DTNA: variants seen among roughly 807,000 people sequenced by gnomAD.
DTNA encodes the protein dystrobrevin alpha, also known as dystrophin-related protein 3.
In DTNA, 43 loss-of-function variants were observed where a neutral mutation model predicts 100.7. The ratio of observed to expected loss-of-function variants is 0.43; its 90% CI spans 0.33 to 0.55. The LOEUF (loss-of-function observed/expected upper bound fraction) is 0.55, where lower values mean the gene tolerates loss of function less well. Among genes scored for constraint, DTNA ranks in the 20% least tolerant of loss-of-function variants. The pLI is 0.04. For synonymous variants in DTNA, 349 were observed against 347.9 expected (o/e 1.00, Z -0.04); for missense variants, 798 against 953.9 (o/e 0.84, Z 2.15).
intron 13 of DTNA, 85 bp from the exon 14 acceptor site, chr18:34,848,211 A>G: frequency 7.5e-7 from 1 of 1,325,456 alleles, no homozygotes; most frequent in Non-Finnish European, 1.1e-6. Flanking sequence ...AAAACATTGA[A>G]ATAGTAAAAA....
At chr18:34,602,995 T>TC (rs1271354743) in intron 1 of DTNA, among the ~76,000 whole-genome samples, 12 of 150,574 alleles carry the variant, frequency 8.0e-5, no homozygotes, top group Admixed American at 7.3e-4. Flanking sequence ...AGTGTGAGAC[T>TC]CCCTCTCAAA....
chr18:34,878,278 T>A (rs2096838661), intron 19 of DTNA, among the ~76,000 whole-genome samples: 1 of 152,208 alleles, frequency 6.6e-6, no homozygotes, highest in Admixed American at 6.5e-5. Context: ...TCAGATTTTT[T>A]AAGTAATGTT....
At chr18:34,796,412 C>T (rs570635816) in intron 4 of DTNA, among the ~76,000 whole-genome samples, 2 of 152,280 alleles carry the variant, frequency 1.3e-5, no homozygotes, top group Admixed American at 1.3e-4. Flanking sequence ...AAATGAGACC[C>T]AGCGTGGAAA....
In DTNA at chr18:34,658,551, G is replaced by A. The variant is rs1381541464; in HGVS notation, c.-1-97425G>A. ...TGTATTTTTGTAGAGATGGGGTTTT[G>A]TCATGTTGCCCAAGCTGGTCTCAAA... On this transcript the variant is annotated intron_variant, in intron 1 of 19. Transcript: ENST00000283365. Among the ~76,000 whole-genome samples the A allele has an allele frequency of 2.0e-5, 3 of 152,022 alleles. No homozygotes were observed. In the East Asian group the frequency reaches 5.8e-4, roughly 29 times the overall value.
intron 1 of DTNA, among the ~76,000 whole-genome samples, chr18:34,726,306 C>T (rs913138747): frequency 2.0e-5 from 3 of 151,964 alleles, no homozygotes; most frequent in African/African-American, 7.3e-5. Context: ...ATCTATCATT[C>T]TTCCCCTGGT....
intron 17 of DTNA, chr18:34,867,149 G>T (rs1326371974): frequency 1.6e-6 from 2 of 1,231,112 alleles, no homozygotes; most frequent in East Asian, 3.2e-5. Flanking sequence ...ACCACAACCT[G>T]TCCAATTTCA....
chr18:34,688,084 A>G (rs1230490228), intron 1 of DTNA, among the ~76,000 whole-genome samples: 1 of 151,138 alleles, frequency 6.6e-6, no homozygotes, highest in East Asian at 1.9e-4. Flanking sequence ...ATGGATCTTG[A>G]CTCTTTATCC....
intron 1 of DTNA, among the ~76,000 whole-genome samples, chr18:34,541,812 G>A (rs898246559): frequency 6.6e-6 from 1 of 152,062 alleles, no homozygotes; most frequent in East Asian, 1.9e-4. Flanking sequence ...GAAGAGAGTT[G>A]TCCTTGAGAA....
intron 1 of DTNA, among the ~76,000 whole-genome samples, chr18:34,629,008 C>T (rs1242586943): frequency 6.6e-6 from 1 of 152,134 alleles, no homozygotes; most frequent in African/African-American, 2.4e-5. Flanking sequence ...AACCGTTCTT[C>T]TTAGTAGCAT....
At chr18:34,549,353 C>A (rs1200584008) in intron 1 of DTNA, among the ~76,000 whole-genome samples, 1 of 151,808 alleles carries the variant, frequency 6.6e-6, no homozygotes, top group African/African-American at 2.4e-5. Flanking sequence ...TTTCTTTCAG[C>A]GTTTAGAGTA....
intron 1 of DTNA, among the ~76,000 whole-genome samples, chr18:34,584,875 G>A (rs2048975232): frequency 6.7e-6 from 1 of 150,348 alleles, no homozygotes; most frequent in Non-Finnish European, 1.5e-5. Flanking sequence ...AAGAAAGATA[G>A]AAAGTCAAAT....
exon 1 of DTNA, chr18:34,493,360 A>T (rs1422795933): frequency 2.0e-5 from 3 of 152,382 alleles, no homozygotes; most frequent in Non-Finnish European, 4.4e-5. Flanking sequence ...TGCTGTGCCC[A>T]CATGACCCAC....
At chr18:34,760,520 C>T (rs1405711119) in intron 2 of DTNA, among the ~76,000 whole-genome samples, 1 of 152,212 alleles carries the variant, frequency 6.6e-6, no homozygotes, top group Admixed American at 6.5e-5. Flanking sequence ...AACTTCCCTT[C>T]CAGCCTTGCC....
intron 1 of DTNA, among the ~76,000 whole-genome samples, chr18:34,730,882 G>T (rs2087962191): frequency 6.6e-6 from 1 of 152,150 alleles, no homozygotes; most frequent in East Asian, 1.9e-4. Flanking sequence ...AAGGTTTGGG[G>T]TTGGCAAGGA....
At chr18:34,886,858 T>C (rs994206024) in intron 22 of DTNA, among the ~76,000 whole-genome samples, 2 of 152,246 alleles carry the variant, frequency 1.3e-5, no homozygotes, top group Non-Finnish European at 2.9e-5. Context: ...TTTTTGCAGC[T>C]GGTTCTATCC....
intron 1 of DTNA, among the ~76,000 whole-genome samples, chr18:34,736,043 G>A (rs28578508): frequency 0.15 from 22,716 of 152,072 alleles, 2,869 homozygotes; most frequent in African/African-American, 0.35. Context: ...TGTTCGAAAT[G>A]CATAAAATAT....
intron 1 of DTNA, among the ~76,000 whole-genome samples, chr18:34,611,163 TA>T (rs1006169697): frequency 3.9e-5 from 6 of 152,222 alleles, no homozygotes; most frequent in African/African-American, 1.4e-4. Flanking sequence ...AATATAGATC[TA>T]AACTCCCACA....
chr18:34,882,419 A>AT (rs2096881824), intron 21 of DTNA, among the ~76,000 whole-genome samples: 1 of 151,986 alleles, frequency 6.6e-6, no homozygotes, highest in Non-Finnish European at 1.5e-5. Flanking sequence ...CCTAGGCTGG[A>AT]GTGCAGTGGT....
intron 1 of DTNA, among the ~76,000 whole-genome samples, chr18:34,616,535 T>C (rs1182354546): frequency 6.6e-6 from 1 of 152,204 alleles, no homozygotes; most frequent in East Asian, 1.9e-4. Flanking sequence ...TACTGCAGCC[T>C]AGTAGTATGG....
Sources: allele counts gnomAD v4.1 joint callset (sites outside exome capture counted in the v4.1 genomes callset), GRCh38; gene constraint gnomAD v4.1.1; transcripts MANE v1.5; gene names NCBI Gene and HGNC (gene_info 2026-07-23, HGNC 2026-07-21).